The following THSD7B variants were observed in gnomAD, a reference collection of about 807,000 sequenced individuals.
THSD7B encodes thrombospondin type-1 domain-containing protein 7B.
THSD7B carries 138 observed loss-of-function variants against 213.6 expected under a neutral mutation model. That is an observed-to-expected ratio of 0.65 (90% CI 0.56 to 0.74). The LOEUF is 0.74. THSD7B is among the 30% of genes least tolerant of loss of function. The probability of loss-of-function intolerance (pLI) is 0.00; values close to 1 mark genes in which losing one functional copy is unlikely to be tolerated. For missense variants in THSD7B, 1,931 were observed against 1,991.5 expected (o/e 0.97, Z 0.58); for synonymous variants, 742 against 687.0 (o/e 1.08, Z -1.25).
chr2:137,356,373 A>T (rs1321666384), intron 12 of THSD7B, among the ~76,000 whole-genome samples: 1 of 152,056 alleles, frequency 6.6e-6, no homozygotes, highest in African/African-American at 2.4e-5. Context: ...TCAAACACCA[A>T]GCATCAGATA....
chr2:137,491,383 T>G (rs1271856724), intron 15 of THSD7B, among the ~76,000 whole-genome samples: 16 of 152,248 alleles, frequency 1.1e-4, no homozygotes, highest in Admixed American at 9.2e-4. Context: ...GATGGTACTA[T>G]TACTATGTTT....
At chr2:137,481,123 C>T (rs192724977) in intron 15 of THSD7B, among the ~76,000 whole-genome samples, 1 of 152,302 alleles carries the variant, frequency 6.6e-6, no homozygotes, top group Admixed American at 6.5e-5. Context: ...CCTACCAGTA[C>T]CTTGATCTTG....
At chr2:136,965,487 A>T (rs965917475) in intron 2 of THSD7B, among the ~76,000 whole-genome samples, 1 of 152,212 alleles carries the variant, frequency 6.6e-6, no homozygotes, top group African/African-American at 2.4e-5. Flanking sequence ...CCACAAGGAA[A>T]GTGTTCTGGG....
intron 1 of THSD7B, among the ~76,000 whole-genome samples, chr2:136,828,669 C>T (rs891516043): frequency 5.3e-5 from 8 of 152,212 alleles, no homozygotes; most frequent in Admixed American, 4.6e-4. Flanking sequence ...TTCCTCAGGC[C>T]TGCTAAGCAC....
intron 12 of THSD7B, among the ~76,000 whole-genome samples, chr2:137,393,111 G>A (rs970626771): frequency 2.7e-5 from 4 of 148,914 alleles, no homozygotes; most frequent in African/African-American, 9.9e-5. Flanking sequence ...GATCTTACTA[G>A]GTAAAAATTC....
chr2:137,132,176 CTGTT>C (rs1327210650), intron 5 of THSD7B, among the ~76,000 whole-genome samples: 35 of 151,062 alleles, frequency 2.3e-4, no homozygotes, highest in African/African-American at 8.5e-4. Flanking sequence ...ATTTGGCTCT[CTGTT>C]TGTCTGTTAT....
At chr2:137,267,392 G>A (rs1414557577) in intron 10 of THSD7B, among the ~76,000 whole-genome samples, 2 of 152,178 alleles carry the variant, frequency 1.3e-5, no homozygotes, top group Middle Eastern at 3.4e-3. Context: ...TACAAATATG[G>A]CACTTTTTTA....
chr2:137,121,274 C>T (rs780153566), intron 5 of THSD7B, among the ~76,000 whole-genome samples: 3 of 152,060 alleles, frequency 2.0e-5, no homozygotes, highest in African/African-American at 7.2e-5. Context: ...CTACCCTGGA[C>T]GAATGAGAGA....
At chr2:137,515,683 A>G (rs1445983379) in intron 15 of THSD7B, among the ~76,000 whole-genome samples, 2 of 152,302 alleles carry the variant, frequency 1.3e-5, no homozygotes, top group Admixed American at 6.5e-5. Flanking sequence ...TCTGCATTTT[A>G]TGTTGCAGCT....
At chr2:137,591,662 G>A (rs1681868554) in intron 17 of THSD7B, among the ~76,000 whole-genome samples, 1 of 151,842 alleles carries the variant, frequency 6.6e-6, no homozygotes, top group African/African-American at 2.4e-5. Flanking sequence ...CAATCGAAAA[G>A]TTGTAGAACG....
intron 15 of THSD7B, among the ~76,000 whole-genome samples, chr2:137,470,071 G>C (rs1688063946): frequency 6.6e-6 from 1 of 152,198 alleles, no homozygotes; most frequent in African/African-American, 2.4e-5. Context: ...ATTTGAAGGA[G>C]TTATGGAAAA....
intron 27 of THSD7B, among the ~76,000 whole-genome samples, chr2:137,669,051 A>T (rs972304825): frequency 3.9e-5 from 6 of 152,166 alleles, no homozygotes; most frequent in Admixed American, 1.3e-4. Context: ...ATATTATATC[A>T]GCTTTCTGAG....
intron 4 of THSD7B, among the ~76,000 whole-genome samples, chr2:137,096,005 C>A (rs938627978): frequency 1.3e-5 from 2 of 152,054 alleles, no homozygotes; most frequent in Non-Finnish European, 2.9e-5. Context: ...CTGTGCCTGG[C>A]CTACATTTTA....
chr2:137,164,408 A>G (rs562266839), intron 6 of THSD7B, among the ~76,000 whole-genome samples: 2 of 152,362 alleles, frequency 1.3e-5, no homozygotes, highest in African/African-American at 4.8e-5. Flanking sequence ...GTGGAGAAAT[A>G]GGAACACTTT....
rs567915834 is a variant in THSD7B at position 137,329,754 on chromosome 2, A to G, written c.2500+53728A>G. ...TTTGCCTGACAATGTAATAGGAAAG[A>G]AAAACTCATTTTCTGGGGAGAAACT... is the stretch of plus-strand genomic sequence containing the variant. On this transcript the variant is annotated intron_variant, in intron 12 of 27. Transcript: ENST00000409968. Among the ~76,000 whole-genome samples the G allele has an allele frequency of 6.6e-5, 10 of 152,332 alleles. No individual in the cohort carries two copies. In the South Asian group the frequency reaches 1.7e-3, roughly 25 times the overall value.
At chr2:137,242,594 A>G (rs1681937345) in intron 10 of THSD7B, 22 bp downstream of exon 10, 1 of 1,565,864 alleles carries the variant, frequency 6.4e-7, no homozygotes, top group South Asian at 1.1e-5. Context: ...CTGCGTTCTT[A>G]GTTCTTTCTT....
At chr2:137,167,387 G>C (rs2104991512) in intron 6 of THSD7B, among the ~76,000 whole-genome samples, 1 of 151,864 alleles carries the variant, frequency 6.6e-6, no homozygotes, top group Admixed American at 6.6e-5. Context: ...ATTTTTAGTA[G>C]AGATGGAGTT....
At chr2:137,374,087 T>C (rs1489029877) in intron 12 of THSD7B, among the ~76,000 whole-genome samples, 1 of 151,614 alleles carries the variant, frequency 6.6e-6, no homozygotes, top group African/African-American at 2.4e-5. Context: ...TACCATGCAA[T>C]ACTCTTTAAC....
intron 7 of THSD7B, among the ~76,000 whole-genome samples, chr2:137,200,606 C>A (rs180858616): frequency 4.7e-4 from 71 of 152,112 alleles, no homozygotes; most frequent in African/African-American, 1.7e-3. Flanking sequence ...CTTCCCTGAA[C>A]CTCTCCTGCC....
Sources: gnomAD v4.1 joint callset for allele counts (sites outside exome capture counted in the v4.1 genomes callset) on GRCh38, gnomAD v4.1.1 for gene constraint, MANE v1.5 for transcripts, NCBI Gene and HGNC (gene_info 2026-07-23, HGNC 2026-07-21) for gene names.